TOX: variants seen among roughly 807,000 people sequenced by gnomAD.
TOX encodes the protein thymocyte selection associated high mobility group box.
A neutral mutation model predicts 53.7 loss-of-function variants in TOX; 11 were observed. That is an observed-to-expected ratio of 0.20 (90% confidence interval 0.13 to 0.34). TOX has a LOEUF of 0.34. TOX is among the 10% of genes least tolerant of loss of function. The probability of loss-of-function intolerance (pLI) is 1.00; values close to 1 mark genes in which losing one functional copy is unlikely to be tolerated. For missense variants in TOX, 570 were observed against 664.6 expected (o/e 0.86, Z 1.56); for synonymous variants, 225 against 245.3 (o/e 0.92, Z 0.77).
intron 1 of TOX, among the ~76,000 whole-genome samples, chr8:59,076,607 A>AT (rs1382993665): frequency 6.6e-6 from 1 of 152,072 alleles, no homozygotes; most frequent in Admixed American, 6.5e-5. Flanking sequence ...TATAATGGTT[A>AT]TTTTTTACAC....
At chr8:59,078,611 C>T (rs933169813) in intron 1 of TOX, among the ~76,000 whole-genome samples, 10 of 152,176 alleles carry the variant, frequency 6.6e-5, no homozygotes, top group African/African-American at 2.2e-4. Context: ...ACCAATTAAA[C>T]CTCTTTTCTT....
intron 1 of TOX, among the ~76,000 whole-genome samples, chr8:58,995,705 G>T (rs1813548087): frequency 6.6e-6 from 1 of 152,278 alleles, no homozygotes; most frequent in African/African-American, 2.4e-5. Context: ...ATGAATTGGG[G>T]GAGAGAAATC....
intron 3 of TOX, among the ~76,000 whole-genome samples, chr8:58,854,785 A>G (rs1333488107): frequency 6.6e-6 from 1 of 152,170 alleles, no homozygotes; most frequent in African/African-American, 2.4e-5. Flanking sequence ...AGTGGGATCT[A>G]CCCATGGCAA....
At chr8:59,012,350 C>T (rs1015007439) in intron 1 of TOX, among the ~76,000 whole-genome samples, 7 of 151,752 alleles carry the variant, frequency 4.6e-5, no homozygotes, top group South Asian at 2.1e-4. Context: ...GGGAATACCA[C>T]GAGGGGGTGT....
At position 59,117,269 on chromosome 8, in the gene TOX, A is replaced by T. The variant is rs2129425341; in HGVS notation, c.102+1617T>A. Among the ~76,000 whole-genome samples, 1 of 152,350 alleles carries T rather than the reference A, an allele frequency of 6.6e-6. No homozygotes were observed. The highest frequency in any genetic ancestry group is 1.5e-5 in the Non-Finnish European group (1 of 68,028). ...AACACAATACTTGAGTGTACAGACA[A>T]AACAGATTTTAGACTAAAAGAACTA... On this transcript the variant is annotated intron_variant, in intron 1 of 8. Coordinates refer to ENST00000361421, the MANE Select transcript of TOX (RefSeq NM_014729.3). This position sits in a 1 kb window ranked among gnomAD's most constrained non-coding sequence, Gnocchi z 4.6.
chr8:59,007,865 C>G (rs1178284016), intron 1 of TOX, among the ~76,000 whole-genome samples: 1 of 152,144 alleles, frequency 6.6e-6, no homozygotes, highest in Non-Finnish European at 1.5e-5. Context: ...GGAAGTTTGT[C>G]TAAGAGCCAG....
chr8:58,852,291 T>A (rs1585860750), intron 3 of TOX, among the ~76,000 whole-genome samples: 1 of 152,316 alleles, frequency 6.6e-6, no homozygotes, highest in East Asian at 1.9e-4. Flanking sequence ...TGGGAGTTAA[T>A]AAGTATACTC....
intron 1 of TOX, among the ~76,000 whole-genome samples, chr8:58,987,964 T>C (rs1813364587): frequency 6.6e-6 from 1 of 152,192 alleles, no homozygotes; most frequent in South Asian, 2.1e-4. Flanking sequence ...ATGACATAAC[T>C]AGTTGAAAGT....
chr8:59,075,986 C>T (rs1260594250), intron 1 of TOX, among the ~76,000 whole-genome samples: 1 of 137,240 alleles, frequency 7.3e-6, no homozygotes, highest in Non-Finnish European at 1.5e-5. Flanking sequence ...GCCTGGGCAA[C>T]AAGAGTGAAA....
chr8:59,108,583 T>A (rs1431329154), intron 1 of TOX, among the ~76,000 whole-genome samples: 1 of 152,112 alleles, frequency 6.6e-6, no homozygotes, highest in Admixed American at 6.6e-5. Context: ...TTTCTCTTGA[T>A]GATGGAAACA....
At chr8:58,908,642 T>C (rs1338007899) in intron 3 of TOX, among the ~76,000 whole-genome samples, 3 of 152,256 alleles carry the variant, frequency 2.0e-5, no homozygotes, top group Non-Finnish European at 4.4e-5. Context: ...CATGTTTCAA[T>C]ACTTTTGTGT....
At chr8:58,855,850 T>C (rs959256204) in intron 3 of TOX, among the ~76,000 whole-genome samples, 1 of 152,220 alleles carries the variant, frequency 6.6e-6, no homozygotes, top group African/African-American at 2.4e-5. Context: ...TCATGCGTCT[T>C]TGTTTACGCT....
intron 3 of TOX, among the ~76,000 whole-genome samples, chr8:58,854,006 T>C (rs151245175): frequency 3.3e-5 from 5 of 152,330 alleles, no homozygotes; most frequent in African/African-American, 9.6e-5. Flanking sequence ...GCTCCCATTA[T>C]GGGCACAGAG....
intron 5 of TOX, among the ~76,000 whole-genome samples, chr8:58,834,154 T>G (rs1221212585): frequency 6.6e-6 from 1 of 152,204 alleles, no homozygotes; most frequent in East Asian, 1.9e-4. Context: ...ATAGCCGTTT[T>G]TCCTTAAATA....
intron 3 of TOX, among the ~76,000 whole-genome samples, chr8:58,884,644 A>G (rs1811437229): frequency 6.6e-6 from 1 of 152,120 alleles, no homozygotes; most frequent in Non-Finnish European, 1.5e-5. Context: ...CACTACAACT[A>G]TGGTTGTCTC....
intron 3 of TOX, among the ~76,000 whole-genome samples, chr8:58,909,864 G>A (rs187610929): frequency 6.6e-6 from 1 of 152,082 alleles, no homozygotes; most frequent in Admixed American, 6.5e-5. Context: ...GATCATGTTG[G>A]CCAGGCTGGT....
At chr8:58,956,455 AC>A (rs1368381367) in intron 2 of TOX, among the ~76,000 whole-genome samples, 2 of 152,220 alleles carry the variant, frequency 1.3e-5, no homozygotes, top group Non-Finnish European at 2.9e-5. Flanking sequence ...TTTAGGGTGT[AC>A]AACATGTTAT....
At chr8:59,031,328 C>T (rs1327640505) in intron 1 of TOX, among the ~76,000 whole-genome samples, 1 of 152,186 alleles carries the variant, frequency 6.6e-6, no homozygotes, top group African/African-American at 2.4e-5. Context: ...AGTTTCTCAT[C>T]CCAGTGCCCA....
intron 1 of TOX, among the ~76,000 whole-genome samples, chr8:59,081,867 A>C (rs776902650): frequency 6.6e-5 from 10 of 152,228 alleles, no homozygotes; most frequent in Admixed American, 2.6e-4. Flanking sequence ...ACTGCACGGC[A>C]GACTTCCCTA....
Sources: allele counts gnomAD v4.1 joint callset (sites outside exome capture counted in the v4.1 genomes callset), GRCh38; gene constraint gnomAD v4.1.1; non-coding constraint Gnocchi (gnomAD v3.1); transcripts MANE v1.5; gene names NCBI Gene and HGNC (gene_info 2026-07-23, HGNC 2026-07-21).